Variants in WAPL observed in about 807,000 individuals in gnomAD.
The protein encoded by WAPL is WAPL cohesin release factor.
A neutral mutation model predicts 121.0 loss-of-function variants in WAPL; 5 were observed. The observed-to-expected ratio is 0.04, with a 90% CI of 0.02 to 0.09. The LOEUF is 0.09. Ranked by LOEUF, WAPL falls within the 10% of genes least tolerant of loss-of-function variation. WAPL has a pLI of 1.00. For synonymous variants in WAPL, 480 were observed against 481.5 expected (o/e 1.00, Z 0.04); for missense variants, 999 against 1,410.8 (o/e 0.71, Z 4.68).
At chr10:86,518,115 CAT>C in intron 1 of WAPL, 24 bp from the exon 2 acceptor site, 4 of 1,585,236 alleles carry the variant, frequency 2.5e-6, no homozygotes, top group Non-Finnish European at 3.4e-6. Context: ...TTTAAGAAAA[CAT>C]ATAATCATCA....
At chr10:86,473,675 A>G (rs976925885) in intron 5 of WAPL, among the ~76,000 whole-genome samples, 1 of 152,206 alleles carries the variant, frequency 6.6e-6, no homozygotes, top group African/African-American at 2.4e-5. Context: ...TGTTTAACCT[A>G]GCAGCACTAG....
chr10:86,440,501 G>A (rs957609029), intron 17 of WAPL, among the ~76,000 whole-genome samples: 15 of 151,588 alleles, frequency 9.9e-5, no homozygotes, highest in South Asian at 2.1e-4. Flanking sequence ...CCGTTTCACC[G>A]TGTTAGCCAG....
chr10:86,493,110 G>A (rs917671706), intron 4 of WAPL, among the ~76,000 whole-genome samples: 1 of 151,482 alleles, frequency 6.6e-6, no homozygotes, highest in Non-Finnish European at 1.5e-5. Context: ...TCAAAGGGGG[G>A]TACTGTTCAA....
At chr10:86,461,143 T>C (rs1841263370) in intron 10 of WAPL, 33 bp downstream of exon 10, 1 of 1,493,222 alleles carries the variant, frequency 6.7e-7, no homozygotes. Context: ...CTTTAAATAA[T>C]ATATAAAAAC....
chr10:86,515,690 G>A (rs1842541024), intron 2 of WAPL, among the ~76,000 whole-genome samples: 1 of 151,912 alleles, frequency 6.6e-6, no homozygotes, highest in African/African-American at 2.4e-5. Flanking sequence ...GCTGAGGTGG[G>A]AGAATCACTT....
chr10:86,520,522 C>A (rs11202056), intron 1 of WAPL, among the ~76,000 whole-genome samples: 2 of 152,078 alleles, frequency 1.3e-5, no homozygotes, highest in African/African-American at 4.8e-5. Flanking sequence ...TCGTTTCCCA[C>A]AATAAAATGT....
At position 86,517,623 on chromosome 10, in the gene WAPL, T is replaced by C. The variant is rs1842582993; in HGVS notation, c.447A>G (p.Arg149=). 6.2e-7 allele frequency: 1 copy of C among 1,613,998 alleles called. No homozygotes were observed. Among genetic ancestry groups the C allele is most frequent in the East Asian group, 2.2e-5 (1 of 44,872 alleles). Residue 149 remains arginine (R), a synonymous_variant, in exon 2 of 19, where the codon CGA becomes CGG. Transcript: ENST00000298767. ...TTATGCTTGCATCATCTTCTACAAT[T>C]CGGTTTGTGCTCTTTTCTTTCCCAA... ...TLLGKEKSTN[R]IVEDDASISS...
At chr10:86,452,399 CT>C (rs1841004693) in intron 14 of WAPL, among the ~76,000 whole-genome samples, 1 of 152,088 alleles carries the variant, frequency 6.6e-6, no homozygotes, top group Non-Finnish European at 1.5e-5. Context: ...CGAGACCAAC[CT>C]GACAAACATG....
chr10:86,500,959 A>C (rs1011976748), intron 2 of WAPL, among the ~76,000 whole-genome samples: 1 of 152,304 alleles, frequency 6.6e-6, no homozygotes, highest in Admixed American at 6.5e-5. Context: ...TCCTCAGGCA[A>C]CCAAGTCCCT....
chr10:86,461,350 T>G (rs1841269588), intron 9 of WAPL, 63 bp from the exon 10 acceptor site: 1 of 1,368,236 alleles, frequency 7.3e-7, no homozygotes, highest in African/African-American at 1.4e-5. Flanking sequence ...AAATTGTTTC[T>G]CTTTACAAAA....
chr10:86,473,605 T>TTC (rs1841584496), intron 5 of WAPL, among the ~76,000 whole-genome samples: 1 of 152,196 alleles, frequency 6.6e-6, no homozygotes, highest in Non-Finnish European at 1.5e-5. Flanking sequence ...CACTAAATAC[T>TTC]ATAAATTCCA....
intron 17 of WAPL, among the ~76,000 whole-genome samples, chr10:86,439,449 C>A (rs1849408348): frequency 6.6e-6 from 1 of 152,144 alleles, no homozygotes; most frequent in Non-Finnish European, 1.5e-5. Context: ...TGGATGAAAG[C>A]CCCTCATTAA....
chr10:86,503,556 T>C (rs1229546476), intron 2 of WAPL, among the ~76,000 whole-genome samples: 4 of 151,744 alleles, frequency 2.6e-5, no homozygotes, highest in African/African-American at 9.7e-5. Flanking sequence ...ATTGAGACCA[T>C]CCTGGCTAAC....
At chr10:86,509,856 C>T (rs1023782852) in intron 2 of WAPL, among the ~76,000 whole-genome samples, 1 of 151,630 alleles carries the variant, frequency 6.6e-6, no homozygotes, top group Non-Finnish European at 1.5e-5. Context: ...CCTCCACCTC[C>T]CGGGTTCAAG....
intron 4 of WAPL, among the ~76,000 whole-genome samples, chr10:86,495,397 G>A (rs144238505): frequency 3.6e-4 from 54 of 152,100 alleles, no homozygotes; most frequent in Admixed American, 5.2e-4. Context: ...GCCCGAGGAC[G>A]TCAAGGCTGC....
At chr10:86,497,697 G>GT (rs752675750) in intron 3 of WAPL, among the ~76,000 whole-genome samples, 1 of 152,124 alleles carries the variant, frequency 6.6e-6, no homozygotes, top group Non-Finnish European at 1.5e-5. Flanking sequence ...AACATCATGC[G>GT]TATCTACCTG....
chr10:86,504,850 T>C (rs1842314058), intron 2 of WAPL, among the ~76,000 whole-genome samples: 1 of 151,992 alleles, frequency 6.6e-6, no homozygotes, highest in Non-Finnish European at 1.5e-5. Flanking sequence ...AAAATAGGAA[T>C]AAAATTGATG....
At chr10:86,497,863 T>C (rs193226370) in intron 3 of WAPL, among the ~76,000 whole-genome samples, 2 of 152,346 alleles carry the variant, frequency 1.3e-5, no homozygotes, top group East Asian at 1.9e-4. Context: ...GTTTAATGAT[T>C]TGTCGGTCTT....
intron 4 of WAPL, among the ~76,000 whole-genome samples, chr10:86,495,744 A>G (rs1214497463): frequency 6.6e-6 from 1 of 152,190 alleles, no homozygotes; most frequent in African/African-American, 2.4e-5. Flanking sequence ...AAATAGCAGA[A>G]AATATTTGTA....
Sources: gnomAD v4.1 joint callset for allele counts (sites outside exome capture counted in the v4.1 genomes callset) on GRCh38, gnomAD v4.1.1 for gene constraint, MANE v1.5 for transcripts, NCBI Gene and HGNC (gene_info 2026-07-23, HGNC 2026-07-21) for gene names.